Variants in RAD51B observed in about 807,000 individuals in gnomAD.
RAD51B encodes RAD51 paralog B, also known as DNA repair protein RAD51 homolog 2.
RAD51B carries 38 observed loss-of-function variants against 42.2 expected under a neutral mutation model. The observed-to-expected ratio is 0.90, with a 90% CI of 0.70 to 1.18. The LOEUF (loss-of-function observed/expected upper bound fraction) is 1.18, where lower values mean the gene tolerates loss of function less well. Ranked by LOEUF, RAD51B falls within the 50% of genes most tolerant of loss-of-function variation. The pLI is 0.00. For synonymous variants in RAD51B, 154 were observed against 145.2 expected (o/e 1.06, Z -0.43); for missense variants, 373 against 400.7 (o/e 0.93, Z 0.59).
chr14:67,822,722 G>A (rs202102180), intron 1 of RAD51B, among the ~76,000 whole-genome samples: 20 of 150,682 alleles, frequency 1.3e-4, no homozygotes, highest in Non-Finnish European at 2.7e-4. Flanking sequence ...GACCTGTCTC[G>A]CTCTCTCTCT....
intron 7 of RAD51B, among the ~76,000 whole-genome samples, chr14:68,149,251 G>C (rs2078322013): frequency 6.6e-6 from 1 of 151,916 alleles, no homozygotes; most frequent in Non-Finnish European, 1.5e-5. Flanking sequence ...TGTGCTTTAA[G>C]TGTTATATTC....
intron 7 of RAD51B, among the ~76,000 whole-genome samples, chr14:68,281,581 T>C (rs1222520794): frequency 6.6e-6 from 1 of 152,184 alleles, no homozygotes; most frequent in Non-Finnish European, 1.5e-5. Context: ...GCTGCTTCAG[T>C]CACTTCCCAG....
intron 9 of RAD51B, among the ~76,000 whole-genome samples, chr14:68,436,670 C>T (rs908758675): frequency 7.9e-5 from 12 of 151,780 alleles, no homozygotes; most frequent in South Asian, 2.1e-4. Flanking sequence ...TGTGTTTTGG[C>T]GGGGGGATCC....
chr14:67,847,550 C>CA (rs2041662527), intron 4 of RAD51B, among the ~76,000 whole-genome samples: 1 of 152,008 alleles, frequency 6.6e-6, no homozygotes, highest in African/African-American at 2.4e-5. Flanking sequence ...AGGAGTTATT[C>CA]AGGAGCAAGT....
intron 10 of RAD51B, among the ~76,000 whole-genome samples, chr14:68,536,817 C>T (rs1352788465): frequency 6.6e-6 from 1 of 152,074 alleles, no homozygotes; most frequent in Non-Finnish European, 1.5e-5. Flanking sequence ...CGCAGTGGCT[C>T]ATGCCTGTAA....
chr14:68,119,650 A>G (rs1267435408), intron 7 of RAD51B, among the ~76,000 whole-genome samples: 1 of 150,172 alleles, frequency 6.7e-6, no homozygotes, highest in African/African-American at 2.5e-5. Context: ...ACACGAACTC[A>G]TCATTTTTTA....
intron 10 of RAD51B, chr14:68,563,787 T>A: frequency 2.0e-6 from 2 of 985,322 alleles, no homozygotes; most frequent in African/African-American, 3.5e-5. Flanking sequence ...TGATTTTCCG[T>A]AAGAAACGAC....
intron 10 of RAD51B, among the ~76,000 whole-genome samples, chr14:68,527,608 C>T (rs1202405608): frequency 6.6e-6 from 1 of 152,258 alleles, no homozygotes; most frequent in East Asian, 1.9e-4. Flanking sequence ...GTGATTTAGA[C>T]AAATTACATA....
chr14:67,922,561 T>A (rs2044359004), intron 7 of RAD51B, among the ~76,000 whole-genome samples: 1 of 151,936 alleles, frequency 6.6e-6, no homozygotes, highest in African/African-American at 2.4e-5. Flanking sequence ...TTTTTTTTTT[T>A]TAAATTTCAA....
At chr14:68,439,935 A>G (rs1049158935) in intron 9 of RAD51B, among the ~76,000 whole-genome samples, 11 of 152,172 alleles carry the variant, frequency 7.2e-5, no homozygotes, top group Non-Finnish European at 1.2e-4. Context: ...TAATTGGTTC[A>G]TGTCGTAGAA....
chr14:68,073,306 GT>G (rs1220509396), intron 7 of RAD51B, among the ~76,000 whole-genome samples: 3 of 152,030 alleles, frequency 2.0e-5, no homozygotes, highest in African/African-American at 7.2e-5. Flanking sequence ...ATCATTGTTG[GT>G]TTAAAGTCAG....
rs140920352 is a variant in RAD51B, at chr14:67,908,172, A to C, written c.756+20968A>C. On this transcript the variant is annotated intron_variant, in intron 7 of 10. Coordinates refer to ENST00000471583, the MANE Select transcript of RAD51B (RefSeq NM_133510.4). ...GGAATCACCTGTGGGGCTTGTTAAGATACAGATTGCTTGGCCCCATGTTAG... is the reference window on the plus strand; with the variant it reads ...GGAATCACCTGTGGGGCTTGTTAAGCTACAGATTGCTTGGCCCCATGTTAG... The C allele has an allele frequency of 1.6e-3, 246 of 152,328 alleles. 2 individuals carry two copies. The highest frequency in any genetic ancestry group is 5.1e-3 in the African/African-American group (210 of 41,568). The allele number at this position is 152,328 out of a possible 1,614,324, so 9.4% of individuals were successfully genotyped here.
intron 7 of RAD51B, among the ~76,000 whole-genome samples, chr14:67,961,326 C>G (rs1380786749): frequency 6.6e-6 from 1 of 152,066 alleles, no homozygotes; most frequent in Non-Finnish European, 1.5e-5. Context: ...TTTTTCGATA[C>G]AGTTTTGATG....
chr14:68,047,769 C>T (rs1003792305), intron 7 of RAD51B, among the ~76,000 whole-genome samples: 8 of 152,192 alleles, frequency 5.3e-5, no homozygotes, highest in African/African-American at 1.9e-4. Flanking sequence ...AATGAGTCTA[C>T]TGCTTTAAGT....
At chr14:68,564,797 C>G (rs1411539195) in intron 10 of RAD51B, among the ~76,000 whole-genome samples, 4 of 152,226 alleles carry the variant, frequency 2.6e-5, no homozygotes, top group African/African-American at 9.6e-5. Context: ...AGGCTGGCAT[C>G]TCCCACTGAA....
chr14:68,095,992 A>G (rs1410709482), intron 7 of RAD51B, among the ~76,000 whole-genome samples: 1 of 146,884 alleles, frequency 6.8e-6, no homozygotes, highest in Non-Finnish European at 1.5e-5. Flanking sequence ...AAAAAAAAAA[A>G]AAAAGAAACA....
intron 7 of RAD51B, among the ~76,000 whole-genome samples, chr14:67,920,247 T>C (rs2044277865): frequency 6.6e-6 from 1 of 152,196 alleles, no homozygotes; most frequent in African/African-American, 2.4e-5. Flanking sequence ...CTTATGCCAA[T>C]AAAGTAATGT....
Position 68,399,259 on chromosome 14 carries a change from GT to G in RAD51B, c.854-12150del, listed in dbSNP as rs397719053. On this transcript the variant is annotated intron_variant, in intron 8 of 10. Coordinates refer to ENST00000471583, the MANE Select transcript of RAD51B (RefSeq NM_133510.4). ...TACCCTTTACCTGATTTTTTTTTGT[GT>G]TTTTTTTTTTTTTTGAGATGGAGTC... Among the ~76,000 whole-genome samples the G allele has an allele frequency of 4.1e-3, 563 of 135,976 alleles. 10 individuals are homozygous for G. Among genetic ancestry groups the G allele is most frequent in the East Asian group, 2.3e-3 (11 of 4,688 alleles). The allele number at this position is 135,976 out of a possible 152,430, so 89.2% of individuals were successfully genotyped here. A position where few individuals can be genotyped will look rare whatever the true frequency, so the allele number is the denominator to read the frequency against.
chr14:68,652,886 A>C (rs1305760480), intron 11 of RAD51B, among the ~76,000 whole-genome samples: 1 of 152,190 alleles, frequency 6.6e-6, no homozygotes, highest in East Asian at 1.9e-4. Context: ...CTGCTTTGTG[A>C]GCATAGGGGA....
Sources: allele counts gnomAD v4.1 joint callset (sites outside exome capture counted in the v4.1 genomes callset), GRCh38; gene constraint gnomAD v4.1.1; transcripts MANE v1.5; gene names NCBI Gene and HGNC (gene_info 2026-07-23, HGNC 2026-07-21).